The following ITGB4 variants were observed in gnomAD, a reference collection of about 807,000 sequenced individuals.
ITGB4 encodes the protein integrin subunit beta 4.
In ITGB4, 159 loss-of-function variants were observed where a neutral mutation model predicts 207.6. That is an observed-to-expected ratio of 0.77 (90% CI 0.67 to 0.87). The LOEUF (loss-of-function observed/expected upper bound fraction) is 0.87. ITGB4 is among the 40% of genes least tolerant of loss of function. The pLI is 0.00. For missense variants in ITGB4, 2,278 were observed against 2,546.8 expected, an observed-to-expected ratio of 0.89 and a Z score of 2.27; for synonymous variants, 1,020 against 1,062.7, an observed-to-expected ratio of 0.96 and a Z score of 0.78.
chr17:75,730,672 A>G (rs1337205299), intron 8 of ITGB4, among the ~76,000 whole-genome samples, 168 bp downstream of exon 8: 2 of 142,380 alleles, frequency 1.4e-5, no homozygotes, highest in Non-Finnish European at 3.1e-5. Context: ...AGACCCCCCA[A>G]AATGTGGGCC....
Position 75,731,079 on chromosome 17 carries a change from G to T in ITGB4, c.1092+115G>T. The T allele has an allele frequency of 1.4e-6, 2 of 1,396,972 alleles. No homozygotes were observed. Among genetic ancestry groups the T allele is most frequent in the Non-Finnish European group, 2.0e-6 (2 of 996,076 alleles). 86.5% of individuals were successfully genotyped at this position (1,396,972 alleles called of 1,614,324 possible). On this transcript the variant is annotated intron_variant, in intron 9 of 39. Coordinates refer to ENST00000200181, the MANE Select transcript of ITGB4 (RefSeq NM_000213.5). This position sits in a 1 kb window ranked among gnomAD's most constrained non-coding sequence, Gnocchi z 6.8. ...GGAGAAATGGGTCTGGGACAGACCA[G>T]TGAGGAAGGGTCTCTAGCTATCCCT...
chr17:75,723,860 T>C (rs2060664751), intron 1 of ITGB4, among the ~76,000 whole-genome samples: 1 of 152,388 alleles, frequency 6.6e-6, no homozygotes, highest in Non-Finnish European at 1.5e-5. Context: ...GCCGCCAGCC[T>C]CTTTTCTTGT....
chr17:75,722,681 G>C lies in ITGB4; in HGVS notation c.-11+1069G>C, dbSNP rs1007163622. Among the ~76,000 whole-genome samples the C allele has an allele frequency of 5.3e-5, 8 of 152,008 alleles. No individual in the cohort carries two copies. Among genetic ancestry groups the C allele is most frequent in the Non-Finnish European group, 7.4e-5 (5 of 67,992 alleles). ...CGGGAGAGGATAGTGGACAGGAGCA[G>C]GTGTGCCCAGAGGGGTCCCCAGGGG... On this transcript the variant is annotated intron_variant, in intron 1 of 39. Coordinates refer to ENST00000200181, the MANE Select transcript of ITGB4 (RefSeq NM_000213.5). The surrounding 1 kb of genome is among the most constrained non-coding windows in gnomAD (Gnocchi z 6.2).
chr17:75,757,073 C>T lies in ITGB4; in HGVS notation c.5184C>T (p.Arg1728=), dbSNP rs752571680. The change falls in exon 38 of 40, where the codon CGC becomes CGT. Residue 1728 remains arginine, a synonymous_variant. Coordinates refer to ENST00000200181, the MANE Select transcript of ITGB4 (RefSeq NM_000213.5). ...CCACTGAGGGCTTCGGGCCAGAGCG[C>T]GAGGGCATCATCACCATAGAGTCCC... The part of the protein sequence containing the change: ...ARTTEGFGPE[R]EGIITIESQD... The T allele has an allele frequency of 7.5e-5, 121 of 1,612,750 alleles. 1 individual carries two copies. The highest frequency in any genetic ancestry group is 3.3e-4 in the Middle Eastern group (2 of 6,084).
At chr17:75,748,570 T>C (rs1178591699) in intron 26 of ITGB4, among the ~76,000 whole-genome samples, 1 of 151,228 alleles carries the variant, frequency 6.6e-6, no homozygotes, top group Non-Finnish European at 1.5e-5. Flanking sequence ...CTCAGGAAGA[T>C]GAGGTGTGAG....
At position 75,739,430 on chromosome 17, in the gene ITGB4, AC is replaced by A. The variant is rs1483828693; in HGVS notation, c.2221-240del. Among the ~76,000 whole-genome samples, 1 of 152,130 alleles carries A rather than the reference AC, an allele frequency of 6.6e-6. No individual in the cohort carries two copies. The highest frequency in any genetic ancestry group is 1.5e-5 in the Non-Finnish European group (1 of 68,016). On this transcript the variant is annotated intron_variant, in intron 18 of 39. Coordinates refer to ENST00000200181, the MANE Select transcript of ITGB4 (RefSeq NM_000213.5). The surrounding 1 kb of genome is among the most constrained non-coding windows in gnomAD (Gnocchi z 5.4). ...CTTCCCAAGTGAACCTGACCACAGA[AC>A]CTTTACAGAGCACCCGGCAGGATGA...
Position 75,727,466 on chromosome 17 carries a change from G to C in ITGB4, c.225G>C (p.Glu75Asp). 1 of 1,613,974 alleles carries C rather than the reference G, an allele frequency of 6.2e-7. No individual in the cohort carries two copies. The highest frequency in any genetic ancestry group is 8.5e-7 in the Non-Finnish European group (1 of 1,180,028). ...TGCTGGCCGCGGGCTGCCAGCGGGAGAGCATCGTGGTCATGGAGAGCAGCT... is the reference window on the plus strand; with the variant it reads ...TGCTGGCCGCGGGCTGCCAGCGGGACAGCATCGTGGTCATGGAGAGCAGCT... Reference protein sequence around the residue: ...AELLAAGCQRESIVVMESSFQ... With the variant: ...AELLAAGCQRDSIVVMESSFQ... The change falls in exon 4 of 40, where the codon GAG becomes GAC. Residue 75 changes from glutamate to aspartate, a missense_variant. Glu to Asp is a conservative substitution (Grantham distance 45). Transcript: ENST00000200181. The surrounding 1 kb of genome is among the most constrained non-coding windows in gnomAD (Gnocchi z 6.0).
intron 7 of ITGB4, 111 bp from the exon 8 acceptor site, chr17:75,730,130 G>A: frequency 7.0e-7 from 1 of 1,423,202 alleles, no homozygotes; most frequent in Non-Finnish European, 9.7e-7. Flanking sequence ...TGAATCCAGT[G>A]GCTTAAGCCC....
chr17:75,737,328 A>T lies in ITGB4; in HGVS notation c.1997A>T (p.Glu666Val). The T allele has an allele frequency of 6.3e-7, 1 of 1,591,914 alleles. No homozygotes were observed. The highest frequency in any genetic ancestry group is 8.5e-7 in the Non-Finnish European group (1 of 1,169,844). ...TGACTGGCTGTGGGTACAGCCGAGG[A>T]GGTGGTGGTGCGCTGCTCCTTCCGG... ...KMVDELKRAE[E>V]VVVRCSFRDE... The change falls in exon 17 of 40, where the codon GAG becomes GTG. Residue 666 changes from glutamate (E) to valine (V), a missense_variant. By Grantham distance (121) the Glu-to-Val change is moderately radical. Coordinates refer to ENST00000200181, the MANE Select transcript of ITGB4 (RefSeq NM_000213.5).
intron 13 of ITGB4, 47 bp downstream of exon 13, chr17:75,733,739 G>A: frequency 6.3e-7 from 1 of 1,584,604 alleles, no homozygotes; most frequent in Non-Finnish European, 8.6e-7. Context: ...GTAGGGAGTG[G>A]ACAGCAAGCA....
In ITGB4 at chr17:75,750,345, C is replaced by T. The variant is rs538017948; in HGVS notation, c.3474+77C>T. On this transcript the variant is annotated intron_variant, in intron 28 of 39. Coordinates refer to ENST00000200181, the MANE Select transcript of ITGB4 (RefSeq NM_000213.5). The surrounding 1 kb of genome is among the most constrained non-coding windows in gnomAD (Gnocchi z 5.5). ...GCACTCACAGAAGAGGTGGGCCGTC[C>T]AAGGCCAGGGCCCCCTGAGAGAGAG... The T allele has an allele frequency of 7.8e-5, 114 of 1,452,830 alleles. No individual in the cohort carries two copies. In the African/African-American group the frequency reaches 1.3e-3, roughly 17 times the overall value. The allele number at this position is 1,452,830 out of a possible 1,614,324, so 90.0% of individuals were successfully genotyped here.
rs1449463233 is a variant in ITGB4, at chr17:75,750,562, C to T, written c.3475-118C>T. On this transcript the variant is annotated intron_variant, in intron 28 of 39. Transcript: ENST00000200181. This position sits in a 1 kb window ranked among gnomAD's most constrained non-coding sequence, Gnocchi z 5.5. The stretch of plus-strand genomic sequence containing the variant: ...CGTGTGCACATGGCAGATCTCTCAG[C>T]CCCTCCCTCGGGCCTCATCTGTGCA... 1.1e-6 allele frequency: 1 copy of T among 950,028 alleles called. No individual in the cohort carries two copies. The highest frequency in any genetic ancestry group is 1.6e-5 in the African/African-American group (1 of 61,740). The allele number at this position is 950,028 out of a possible 1,614,324, so 58.8% of individuals were successfully genotyped here. A position where few individuals can be genotyped will look rare whatever the true frequency, so the allele number is the denominator to read the frequency against.
Position 75,739,926 on chromosome 17 carries a change from C to T in ITGB4, c.2301C>T (p.Asn767=), listed in dbSNP as rs778451258. Reference sequence around the variant, plus strand: ...AAGACCACTACATGCTGCGGGAGAACCTGATGGCCTCTGACCACTTGGACA... The same window carrying T: ...AAGACCACTACATGCTGCGGGAGAATCTGATGGCCTCTGACCACTTGGACA... ...FKEDHYMLRE[N]LMASDHLDTP... is the part of the protein sequence containing the mutation. Residue 767 remains asparagine (N), a synonymous_variant, in exon 20 of 40, where the codon AAC becomes AAT. Coordinates refer to ENST00000200181, the MANE Select transcript of ITGB4 (RefSeq NM_000213.5). The surrounding 1 kb of genome is among the most constrained non-coding windows in gnomAD (Gnocchi z 5.4). 3.1e-6 allele frequency: 5 copies of T among 1,613,424 alleles called. No homozygotes were observed. The highest frequency in any genetic ancestry group is 4.2e-6 in the Non-Finnish European group (5 of 1,180,040).
rs760485252 is a variant in ITGB4 at position 75,750,193 on chromosome 17, C to T, written c.3399C>T (p.Pro1133=). 1.9e-6 allele frequency: 3 copies of T among 1,613,880 alleles called. No individual in the cohort carries two copies. In the South Asian group the frequency reaches 3.3e-5, roughly 18 times the overall value. Residue 1133 remains proline, a synonymous_variant, in exon 28 of 40, where the codon CCC becomes CCT. Transcript: ENST00000200181. The surrounding 1 kb of genome is among the most constrained non-coding windows in gnomAD (Gnocchi z 5.5). ...GCGACCTGGGCGCCCCGCAGAACCC[C>T]AATGCTAAGGCCGCTGGGTCCAGGA... is the stretch of plus-strand genomic sequence containing the variant. ...PHGDLGAPQN[P]NAKAAGSRKI... is the part of the protein sequence containing the mutation.
chr17:75,727,565 G>C lies in ITGB4; in HGVS notation c.264+60G>C. On this transcript the variant is annotated intron_variant, in intron 4 of 39. Transcript: ENST00000200181. This position sits in a 1 kb window ranked among gnomAD's most constrained non-coding sequence, Gnocchi z 6.0. ...ATGCTCAGCCTGGCTATTTATGGGG[G>C]TGTATAGTGCCCCTTGGCCGGGCTG... The C allele has an allele frequency of 1.3e-6, 2 of 1,594,158 alleles. No individual in the cohort carries two copies. The highest frequency in any genetic ancestry group is 1.7e-6 in the Non-Finnish European group (2 of 1,169,054).
chr17:75,726,952 A>G (rs1268386310), intron 2 of ITGB4, among the ~76,000 whole-genome samples: 5 of 151,558 alleles, frequency 3.3e-5, no homozygotes, highest in Admixed American at 2.0e-4. Context: ...GGGCGCCTGT[A>G]GTCTCAGCTA....
rs1328580556 is a variant in ITGB4 at position 75,757,325 on chromosome 17, C to T, written c.5329+15C>T. On this transcript the variant is annotated intron_variant, in intron 39 of 39. Coordinates refer to ENST00000200181, the MANE Select transcript of ITGB4 (RefSeq NM_000213.5). ...CTTCCTAGTGGGTGAGCACTGAGGGCTAGGGGATCCCGGCTCTCCTGGGAC... is the reference window on the plus strand; with the variant it reads ...CTTCCTAGTGGGTGAGCACTGAGGGTTAGGGGATCCCGGCTCTCCTGGGAC... 1 of 1,612,570 alleles carries T rather than the reference C, an allele frequency of 6.2e-7. No individual in the cohort carries two copies. Among genetic ancestry groups the T allele is most frequent in the East Asian group, 2.2e-5 (1 of 44,878 alleles).
At chr17:75,757,149 C>G (rs2061533078) in intron 38 of ITGB4, 42 bp downstream of exon 38, 1 of 1,612,640 alleles carries the variant, frequency 6.2e-7, no homozygotes, top group African/African-American at 1.3e-5. Context: ...CCTCCTCGGG[C>G]CGTGCCTCCT....
rs773508913 is a variant in ITGB4, at chr17:75,731,355, G to A, written c.1202G>A (p.Arg401Gln). 2.8e-5 allele frequency: 45 copies of A among 1,612,636 alleles called. No homozygotes were observed. Among genetic ancestry groups the A allele is most frequent in the Admixed American group, 5.0e-5 (3 of 59,986 alleles). Residue 401 changes from arginine to glutamine, a missense_variant, in exon 10 of 40, where the codon CGG (arginine) becomes CAG (glutamine). By Grantham distance (43) the Arg-to-Gln change is conservative. Transcript: ENST00000200181. The surrounding 1 kb of genome is among the most constrained non-coding windows in gnomAD (Gnocchi z 6.8). ...QKTRTGSFHI[R>Q]RGEVGIYQVQ... Reference sequence around the variant, plus strand: ...ACGAGGACTGGGTCCTTTCACATCCGGCGGGGGGAAGTGGTACGCCTCTGT... The same window carrying A: ...ACGAGGACTGGGTCCTTTCACATCCAGCGGGGGGAAGTGGTACGCCTCTGT...
Sources: gnomAD v4.1 joint callset for allele counts (sites outside exome capture counted in the v4.1 genomes callset) on GRCh38, gnomAD v4.1.1 for gene constraint, Gnocchi (gnomAD v3.1) non-coding constraint, MANE v1.5 for transcripts, NCBI Gene and HGNC (gene_info 2026-07-23, HGNC 2026-07-21) for gene names.